The following WDR88 variants were observed in gnomAD, a reference collection of about 807,000 sequenced individuals.
WDR88 encodes WD repeat-containing protein 88.
In WDR88, 40 loss-of-function variants were observed where a neutral mutation model predicts 46.8. The observed-to-expected ratio is 0.86, with a 90% CI of 0.66 to 1.11. The LOEUF (loss-of-function observed/expected upper bound fraction) is 1.11. WDR88 is among the 50% of genes most tolerant of loss of function. WDR88 has a pLI of 0.00. For synonymous variants in WDR88, 235 were observed against 240.7 expected, an observed-to-expected ratio of 0.98 and a Z score of 0.22; for missense variants, 562 against 602.4, an observed-to-expected ratio of 0.93 and a Z score of 0.70.
intron 8 of WDR88, among the ~76,000 whole-genome samples, chr19:33,161,587 C>G (rs1039541100): frequency 6.6e-6 from 1 of 152,172 alleles, no homozygotes; most frequent in Admixed American, 6.5e-5. Flanking sequence ...GAGCTGTCTT[C>G]TCCTAGGACT....
intron 6 of WDR88, among the ~76,000 whole-genome samples, chr19:33,152,985 G>A (rs1973664620): frequency 6.6e-6 from 1 of 152,042 alleles, no homozygotes. Flanking sequence ...CTACCTTTTA[G>A]TTATTGGGAA....
chr19:33,162,232 G>A (rs1327373559), intron 8 of WDR88, among the ~76,000 whole-genome samples: 1 of 151,650 alleles, frequency 6.6e-6, no homozygotes, highest in Non-Finnish European at 1.5e-5. Context: ...CGGGAGTCTC[G>A]CTCTGTCGCC....
At chr19:33,135,478 G>A (rs542439496) in intron 1 of WDR88, among the ~76,000 whole-genome samples, 91 of 152,280 alleles carry the variant, frequency 6.0e-4, no homozygotes, top group Non-Finnish European at 1.1e-3. Context: ...GAGTGCAGTG[G>A]CGTGATCTTG....
Position 33,138,367 on chromosome 19 carries a change from T to C in WDR88, c.387+580T>C, listed in dbSNP as rs543147820. Among the ~76,000 whole-genome samples the C allele has an allele frequency of 3.3e-5, 5 of 151,436 alleles. No homozygotes were observed. In the South Asian group the frequency reaches 1.0e-3, roughly 32 times the overall value. ...GCGACTGGCCCTTTTGTTTGTTTGT[T>C]TGTTTTTGAGAACAAGTGTTGCCCA... On this transcript the variant is annotated intron_variant, in intron 2 of 10. Transcript: ENST00000355868.
intron 4 of WDR88, 37 bp from the exon 5 acceptor site, chr19:33,148,718 TGTAACACACCACACCTG>T: frequency 6.2e-7 from 1 of 1,611,294 alleles, no homozygotes; most frequent in Non-Finnish European, 8.5e-7. Context: ...GGTTTACAGG[TGTAACACACCACACCTG>T]GCTTAAAACA....
chr19:33,156,504 A>G lies in WDR88; in HGVS notation c.959A>G (p.His320Arg). ...GCCTGTGTGACTCTGATGCAGGGCC[A>G]TGAAGGTTCTGTCAGTTCCTGTCAC... Reference protein sequence around the residue: ...CGACVTLMQGHEGSVSSCHFA... With the variant: ...CGACVTLMQGREGSVSSCHFA... The change falls in exon 7 of 11, where the codon CAT becomes CGT. Residue 320 changes from histidine (H) to arginine (R), a missense_variant. Physicochemically the swap from His to Arg is conservative, Grantham distance 29 (BLOSUM62 0). Coordinates refer to ENST00000355868, the MANE Select transcript of WDR88 (RefSeq NM_173479.4). 2 of 1,614,112 alleles carry G rather than the reference A, an allele frequency of 1.2e-6. No homozygotes were observed. The highest frequency in any genetic ancestry group is 1.7e-6 in the Non-Finnish European group (2 of 1,180,008).
intron 8 of WDR88, among the ~76,000 whole-genome samples, chr19:33,163,607 AC>A (rs1185810816): frequency 6.6e-6 from 1 of 151,962 alleles, no homozygotes; most frequent in Non-Finnish European, 1.5e-5. Flanking sequence ...TGTTGATGAA[AC>A]CGAGGAAGTA....
rs2145433400 is a variant in WDR88, at chr19:33,175,611, C to T, written c.*39C>T. 6.2e-7 allele frequency: 1 copy of T among 1,611,314 alleles called. No homozygotes were observed. The highest frequency in any genetic ancestry group is 8.5e-7 in the Non-Finnish European group (1 of 1,178,330). Reference sequence around the variant, plus strand: ...CTTTGAGTGACTCCAGCACAGGCTACCTAGCATGTAGGTTTCGGGGCTTTG... The same window carrying T: ...CTTTGAGTGACTCCAGCACAGGCTATCTAGCATGTAGGTTTCGGGGCTTTG... On this transcript the variant is annotated 3_prime_UTR_variant, in exon 11 of 11. Coordinates refer to ENST00000355868, the MANE Select transcript of WDR88 (RefSeq NM_173479.4).
At chr19:33,136,456 G>T (rs1973269252) in intron 1 of WDR88, among the ~76,000 whole-genome samples, 1 of 152,088 alleles carries the variant, frequency 6.6e-6, no homozygotes, top group Non-Finnish European at 1.5e-5. Context: ...CTCCCAAAGT[G>T]CTGGGATTAC....
intron 10 of WDR88, 98 bp downstream of exon 10, chr19:33,172,538 A>G (rs1040363294): frequency 1.0e-6 from 1 of 977,586 alleles, no homozygotes; most frequent in Non-Finnish European, 1.5e-6. Flanking sequence ...CTGGAGATGC[A>G]ATCGTGAACA....
chr19:33,172,299 G>GA, intron 9 of WDR88, 49 bp from the exon 10 acceptor site: 1 of 1,457,762 alleles, frequency 6.9e-7, no homozygotes. Flanking sequence ...TCCTTTGTAT[G>GA]GATGTACCAC....
rs571348364 is a variant in WDR88, at chr19:33,157,513, G to A, written c.997+971G>A. ...ACTCTGTCTCAATATATATATATAT[G>A]TATATATATGTGTATATATATATAT... On this transcript the variant is annotated intron_variant, in intron 7 of 10. Transcript: ENST00000355868. 6.1e-4 allele frequency among the ~76,000 whole-genome samples: 57 copies of A among 92,706 alleles called. 1 individual carries two copies. Among genetic ancestry groups the A allele is most frequent in the Middle Eastern group, 9.4e-3 (2 of 212 alleles). 60.8% of individuals were successfully genotyped at this position (92,706 alleles called of 152,430 possible). A position where few individuals can be genotyped will look rare whatever the true frequency, so the allele number is the denominator to read the frequency against.
intron 1 of WDR88, among the ~76,000 whole-genome samples, chr19:33,133,262 A>T (rs1568355950): frequency 6.6e-6 from 1 of 151,260 alleles, no homozygotes; most frequent in Non-Finnish European, 1.5e-5. Flanking sequence ...AAGAAAGAAA[A>T]ACTGGCTGGG....
At chr19:33,147,795 G>T in intron 4 of WDR88, 87 bp downstream of exon 4, 1 of 1,226,294 alleles carries the variant, frequency 8.2e-7, no homozygotes, top group South Asian at 1.3e-5. Flanking sequence ...CCCTGGGTAG[G>T]GGGAGGTGAT....
chr19:33,141,981 G>A (rs1973405486), intron 2 of WDR88, among the ~76,000 whole-genome samples: 1 of 152,114 alleles, frequency 6.6e-6, no homozygotes, highest in South Asian at 2.1e-4. Flanking sequence ...GCACCTAGAG[G>A]AAAAGGGGCT....
intron 3 of WDR88, among the ~76,000 whole-genome samples, chr19:33,146,125 C>G (rs1265466657): frequency 6.6e-6 from 1 of 151,908 alleles, no homozygotes; most frequent in Non-Finnish European, 1.5e-5. Context: ...GGAGAAACCC[C>G]GGTCTCTACT....
At chr19:33,174,362 G>C in intron 10 of WDR88, 1 of 1,438,716 alleles carries the variant, frequency 7.0e-7, no homozygotes, top group Middle Eastern at 2.0e-4. Flanking sequence ...CAAAGCCCAG[G>C]GGCTGGGAGA....
chr19:33,138,761 A>G (rs573358528), intron 2 of WDR88, among the ~76,000 whole-genome samples: 1 of 137,684 alleles, frequency 7.3e-6, no homozygotes, highest in South Asian at 2.3e-4. Context: ...TCGGCTCACT[A>G]CAACTTCCGC....
intron 10 of WDR88, chr19:33,174,577 C>A (rs1457128644): frequency 2.0e-6 from 2 of 981,810 alleles, no homozygotes; most frequent in South Asian, 9.4e-5. Context: ...GGCTCAGGGA[C>A]GCAGGAGGGC....
Sources: allele counts gnomAD v4.1 joint callset (sites outside exome capture counted in the v4.1 genomes callset), GRCh38; gene constraint gnomAD v4.1.1; transcripts MANE v1.5; gene names NCBI Gene and HGNC (gene_info 2026-07-23, HGNC 2026-07-21).